CDH13: variants seen among roughly 807,000 people sequenced by gnomAD.
The protein encoded by CDH13 is cadherin-13.
Under a neutral mutation model 63.8 loss-of-function variants are expected in CDH13, and 24 were observed. The observed-to-expected ratio is 0.38, with a 90% CI of 0.27 to 0.53. The LOEUF (loss-of-function observed/expected upper bound fraction) is 0.53, where lower values mean the gene tolerates loss of function less well. Ranked by LOEUF, CDH13 falls within the 20% of genes least tolerant of loss-of-function variation. The probability of loss-of-function intolerance (pLI) is 0.85; values close to 1 mark genes in which losing one functional copy is unlikely to be tolerated. For synonymous variants in CDH13, 503 were observed against 355.3 expected (o/e 1.42, Z -4.67); for missense variants, 1,049 against 903.1 (o/e 1.16, Z -2.07).
chr16:82,809,922 AT>A (rs1813214221), intron 1 of CDH13, among the ~76,000 whole-genome samples: 2 of 152,300 alleles, frequency 1.3e-5, no homozygotes, highest in African/African-American at 4.8e-5. Flanking sequence ...AAAGGGACAG[AT>A]TTTTGATTAA....
At chr16:83,691,305 A>C (rs1904856718) in intron 10 of CDH13, among the ~76,000 whole-genome samples, 1 of 152,128 alleles carries the variant, frequency 6.6e-6, no homozygotes, top group Non-Finnish European at 1.5e-5. Context: ...GGAGCACATG[A>C]GCTGGGTATC....
intron 3 of CDH13, 90 bp from the exon 4 acceptor site, chr16:83,125,295 G>C: frequency 1.4e-6 from 1 of 729,606 alleles, no homozygotes; most frequent in Non-Finnish European, 2.4e-6. Flanking sequence ...ACAGCTGTAT[G>C]CTTTCCCAAC....
chr16:83,437,457 C>A (rs963584162), intron 6 of CDH13, among the ~76,000 whole-genome samples: 1 of 152,070 alleles, frequency 6.6e-6, no homozygotes, highest in African/African-American at 2.4e-5. Flanking sequence ...AGGTGGATCA[C>A]CTGAGATCAG....
At chr16:83,370,387 CAA>C (rs760385414) in intron 6 of CDH13, among the ~76,000 whole-genome samples, 16 of 104,550 alleles carry the variant, frequency 1.5e-4, no homozygotes, top group East Asian at 3.4e-4. Context: ...GACTCCATTT[CAA>C]AAAAAAAAAA....
chr16:83,757,533 G>A (rs541467018), intron 11 of CDH13, among the ~76,000 whole-genome samples: 18 of 152,164 alleles, frequency 1.2e-4, no homozygotes, highest in African/African-American at 3.9e-4. Flanking sequence ...AACCAAGATC[G>A]CACCACTGCA....
intron 2 of CDH13, among the ~76,000 whole-genome samples, chr16:82,871,644 AT>A (rs1399312644): frequency 1.4e-5 from 2 of 140,152 alleles, no homozygotes; most frequent in Admixed American, 1.4e-4. Flanking sequence ...TTTGACTGTA[AT>A]CAACAGTAAC....
chr16:83,066,171 T>C (rs1038692346), intron 3 of CDH13, among the ~76,000 whole-genome samples: 19 of 152,246 alleles, frequency 1.2e-4, no homozygotes, highest in African/African-American at 4.6e-4. Flanking sequence ...GTCTATAATT[T>C]GTAAAGCACT....
chr16:83,284,030 T>C (rs1186440179), intron 5 of CDH13, among the ~76,000 whole-genome samples: 2 of 152,194 alleles, frequency 1.3e-5, no homozygotes, highest in Non-Finnish European at 2.9e-5. Context: ...AGCCAAACCA[T>C]TCTCTGTGAG....
At chr16:83,716,725 G>T (rs552185894) in intron 10 of CDH13, among the ~76,000 whole-genome samples, 1 of 152,058 alleles carries the variant, frequency 6.6e-6, no homozygotes, top group African/African-American at 2.4e-5. Flanking sequence ...CTCATGATCC[G>T]CCCTCCTCAG....
rs114674139 is a variant in CDH13 at position 83,075,440 on chromosome 16, C to G, written c.366+43222C>G. ...TTCCCAGTCATTTTCCTGTCTTAAC[C>G]TTGGGGTGAAGGACAATGTTCTTGA... On this transcript the variant is annotated intron_variant, in intron 3 of 13. Coordinates refer to ENST00000567109, the MANE Select transcript of CDH13 (RefSeq NM_001257.5). Among the ~76,000 whole-genome samples, 336 of 152,264 alleles carry G rather than the reference C, an allele frequency of 2.2e-3. 2 individuals are homozygous for G. Among genetic ancestry groups the G allele is most frequent in the African/African-American group, 7.8e-3 (326 of 41,534 alleles).
chr16:83,407,886 T>C (rs1187465124), intron 6 of CDH13, among the ~76,000 whole-genome samples: 3 of 152,220 alleles, frequency 2.0e-5, no homozygotes, highest in South Asian at 4.1e-4. Context: ...TGAGTATGCA[T>C]GGCATTTTAA....
intron 1 of CDH13, among the ~76,000 whole-genome samples, chr16:82,636,295 G>C (rs912334107): frequency 6.6e-6 from 1 of 151,968 alleles, no homozygotes; most frequent in Non-Finnish European, 1.5e-5. Context: ...CTCTATGTGG[G>C]AGTGTAATTC....
intron 5 of CDH13, among the ~76,000 whole-genome samples, chr16:83,274,049 C>G (rs1325877964): frequency 6.6e-6 from 1 of 152,222 alleles, no homozygotes; most frequent in East Asian, 1.9e-4. Context: ...CTCTTCCAGC[C>G]TGCACTATGA....
At chr16:83,323,247 C>G (rs186211502) in intron 5 of CDH13, among the ~76,000 whole-genome samples, 1 of 120,672 alleles carries the variant, frequency 8.3e-6, no homozygotes, top group African/African-American at 3.2e-5. Flanking sequence ...TCTTTCCTTC[C>G]TTCCTTCTTT....
chr16:83,232,532 A>ACAG (rs1279276852), intron 5 of CDH13, among the ~76,000 whole-genome samples: 3 of 137,446 alleles, frequency 2.2e-5, no homozygotes, highest in African/African-American at 9.6e-5. Flanking sequence ...TCAAAAAACG[A>ACAG]CAACAACAAC....
chr16:83,759,877 A>G (rs1015766472), intron 11 of CDH13, among the ~76,000 whole-genome samples: 5 of 149,598 alleles, frequency 3.3e-5, no homozygotes, highest in African/African-American at 9.8e-5. Flanking sequence ...GCAGTGAGCC[A>G]TGATCACACC....
intron 3 of CDH13, among the ~76,000 whole-genome samples, chr16:83,070,986 G>T (rs757498684): frequency 6.6e-6 from 1 of 151,716 alleles, no homozygotes; most frequent in Non-Finnish European, 1.5e-5. Flanking sequence ...TGATAGCACC[G>T]TCTTAACATG....
intron 3 of CDH13, among the ~76,000 whole-genome samples, chr16:83,101,226 C>T (rs977490719): frequency 6.0e-5 from 9 of 150,092 alleles, no homozygotes; most frequent in South Asian, 4.2e-4. Context: ...TACATACATG[C>T]ACATATACTA....
At chr16:83,727,921 C>T (rs1910601850) in intron 10 of CDH13, among the ~76,000 whole-genome samples, 1 of 152,106 alleles carries the variant, frequency 6.6e-6, no homozygotes, top group South Asian at 2.1e-4. Flanking sequence ...TTTTGGGATT[C>T]AAGGGTTTAA....
Sources: allele counts gnomAD v4.1 joint callset (sites outside exome capture counted in the v4.1 genomes callset), GRCh38; gene constraint gnomAD v4.1.1; transcripts MANE v1.5; gene names NCBI Gene and HGNC (gene_info 2026-07-23, HGNC 2026-07-21).